The following TIMM21 variants were observed in gnomAD, a reference collection of about 807,000 sequenced individuals.
TIMM21 encodes the protein mitochondrial import inner membrane translocase subunit Tim21.
Under a neutral mutation model 27.7 loss-of-function variants are expected in TIMM21, and 30 were observed. That is an observed-to-expected ratio of 1.08 (90% CI 0.81 to 1.47). TIMM21 has a LOEUF of 1.47. Ranked by LOEUF, TIMM21 falls within the 40% of genes most tolerant of loss-of-function variation. TIMM21 has a pLI of 0.00. For missense variants in TIMM21, 292 were observed against 302.9 expected (o/e 0.96, Z 0.27); for synonymous variants, 121 against 114.4 (o/e 1.06, Z -0.37).
At position 74,148,713 on chromosome 18, in the gene TIMM21, A is replaced by G. The variant is rs1979679302; in HGVS notation, c.-96A>G. ...AACACCCCATGTAATGTAAACGTAT[A>G]GGCTTGAGTACGTGTCCGGCCGCAT... On this transcript the variant is annotated 5_prime_UTR_variant, in exon 1 of 6. It adds an upstream start codon to the 5' untranslated region. Coordinates refer to ENST00000169551, the MANE Select transcript of TIMM21 (RefSeq NM_014177.3). 2 of 1,261,700 alleles carry G rather than the reference A, an allele frequency of 1.6e-6. No homozygotes were observed. The allele number at this position is 1,261,700 out of a possible 1,614,324, so 78.2% of individuals were successfully genotyped here. A position where few individuals can be genotyped will look rare whatever the true frequency, so the allele number is the denominator to read the frequency against.
chr18:74,149,170 C>T, intron 1 of TIMM21, 61 bp downstream of exon 1: 1 of 1,532,668 alleles, frequency 6.5e-7, no homozygotes, highest in East Asian at 2.3e-5. Flanking sequence ...TGCCAATGCC[C>T]TTTTATACCA....
intron 1 of TIMM21, 129 bp downstream of exon 1, chr18:74,149,238 A>C: frequency 9.4e-7 from 1 of 1,060,926 alleles, no homozygotes; most frequent in Non-Finnish European, 1.3e-6. Context: ...CCGTTTAAAC[A>C]TAATTTAGAA....
intron 1 of TIMM21, among the ~76,000 whole-genome samples, chr18:74,149,519 A>G (rs1227312268): frequency 6.6e-6 from 1 of 152,118 alleles, no homozygotes; most frequent in Non-Finnish European, 1.5e-5. Flanking sequence ...TGTCAGGGAA[A>G]GTCAGAGATG....
At chr18:74,154,532 A>G (rs958626414) in intron 1 of TIMM21, among the ~76,000 whole-genome samples, 2 of 150,726 alleles carry the variant, frequency 1.3e-5, no homozygotes, top group Non-Finnish European at 3.0e-5. Context: ...AAGTGCTGGG[A>G]TTACAGGCAT....
intron 1 of TIMM21, among the ~76,000 whole-genome samples, chr18:74,153,711 T>C (rs1979871420): frequency 2.0e-5 from 3 of 152,256 alleles, no homozygotes; most frequent in African/African-American, 7.2e-5. Flanking sequence ...ACTTGAAGGA[T>C]TGTGATACGC....
At chr18:74,157,874 C>A in intron 3 of TIMM21, 140 bp from the exon 4 acceptor site, 1 of 856,454 alleles carries the variant, frequency 1.2e-6, no homozygotes, top group Non-Finnish European at 1.8e-6. Context: ...GGATTATAGG[C>A]GTGAGCCAGG....
rs1423077722 is a variant in TIMM21, at chr18:74,152,418, T to C, written c.302-2727T>C. ...CTTGGCACTCACCTTCACTGGTGAT[T>C]AGTTACACACTTCATCTCACCATCC... On this transcript the variant is annotated intron_variant, in intron 1 of 5. Transcript: ENST00000169551. The surrounding 1 kb of genome is among the most constrained non-coding windows in gnomAD (Gnocchi z 4.1). Among the ~76,000 whole-genome samples, 1 of 152,174 alleles carries C rather than the reference T, an allele frequency of 6.6e-6. No homozygotes were observed. The highest frequency in any genetic ancestry group is 1.5e-5 in the Non-Finnish European group (1 of 68,024).
intron 1 of TIMM21, among the ~76,000 whole-genome samples, chr18:74,153,434 G>A (rs1441852874): frequency 6.6e-6 from 1 of 152,192 alleles, no homozygotes; most frequent in Non-Finnish European, 1.5e-5. Context: ...GGACAAATAA[G>A]GATACTTACT....
In TIMM21 at chr18:74,151,947, C is replaced by CG. The variant is rs905298420; in HGVS notation, c.301+2838_301+2839insG. Among the ~76,000 whole-genome samples the CG allele has an allele frequency of 6.8e-5, 10 of 147,390 alleles. No individual in the cohort carries two copies. In the South Asian group the frequency reaches 1.1e-3, roughly 16 times the overall value. ...CAGTGGTGTCTATGTTCCCCCCCCCCCCGGGGGGACCTCCAGCTCCTTCCG... is the reference window on the plus strand; with the variant it reads ...CAGTGGTGTCTATGTTCCCCCCCCCCGCCGGGGGGACCTCCAGCTCCTTCCG... On this transcript the variant is annotated intron_variant, in intron 1 of 5. Coordinates refer to ENST00000169551, the MANE Select transcript of TIMM21 (RefSeq NM_014177.3).
intron 3 of TIMM21, chr18:74,157,455 T>C (rs1979979606): frequency 6.5e-6 from 1 of 153,220 alleles, no homozygotes; most frequent in Non-Finnish European, 1.5e-5. Flanking sequence ...CTACATTGCT[T>C]TGAAACTACA....
chr18:74,151,424 T>C (rs1399921234), intron 1 of TIMM21, among the ~76,000 whole-genome samples: 1 of 152,200 alleles, frequency 6.6e-6, no homozygotes, highest in Non-Finnish European at 1.5e-5. Context: ...ACTCTGTTGC[T>C]TTCTGTAGGT....
rs769581821 is a variant in TIMM21, at chr18:74,158,386, G to A, written c.653G>A (p.Ser218Asn). 4 of 1,607,898 alleles carry A rather than the reference G, an allele frequency of 2.5e-6. No individual in the cohort carries two copies. The highest frequency in any genetic ancestry group is 3.4e-6 in the Non-Finnish European group (4 of 1,176,164). ...CTACATTTTTTTCAGAACCCAGGAA[G>A]TGGTGAATATGATTTTCGATATATA... is the stretch of plus-strand genomic sequence containing the variant. Reference protein sequence around the residue: ...VYAQVKENPGSGEYDFRYIFV... With the variant: ...VYAQVKENPGNGEYDFRYIFV... Residue 218 changes from serine (S) to asparagine (N), a missense_variant, in exon 6 of 6, where the codon AGT (serine) becomes AAT (asparagine). Ser to Asn is a conservative substitution (Grantham distance 46, BLOSUM62 1). Transcript: ENST00000169551.
chr18:74,154,522 A>G (rs1979897442), intron 1 of TIMM21, among the ~76,000 whole-genome samples: 1 of 149,932 alleles, frequency 6.7e-6, no homozygotes, highest in Non-Finnish European at 1.5e-5. Flanking sequence ...CGGCCTCCCA[A>G]AGTGCTGGGA....
intron 3 of TIMM21, among the ~76,000 whole-genome samples, chr18:74,155,730 T>C (rs1261733556): frequency 6.6e-6 from 1 of 152,246 alleles, no homozygotes; most frequent in East Asian, 1.9e-4. Flanking sequence ...ATGGTCATAA[T>C]GTCATTGCTG....
chr18:74,152,187 T>C lies in TIMM21; in HGVS notation c.302-2958T>C, dbSNP rs1279866696. Among the ~76,000 whole-genome samples, 2 of 152,096 alleles carry C rather than the reference T, an allele frequency of 1.3e-5. No individual in the cohort carries two copies. The highest frequency in any genetic ancestry group is 6.5e-5 in the Admixed American group (1 of 15,270). ...GGGTCAGGAGAATTGGGATTCAAGA[T>C]TTTTTACAACATTGACCTCAAGGGC... is the stretch of plus-strand genomic sequence containing the variant. On this transcript the variant is annotated intron_variant, in intron 1 of 5. Coordinates refer to ENST00000169551, the MANE Select transcript of TIMM21 (RefSeq NM_014177.3). The surrounding 1 kb of genome is among the most constrained non-coding windows in gnomAD (Gnocchi z 4.1).
Position 74,158,554 on chromosome 18 carries a change from T to G in TIMM21, c.*74T>G. On this transcript the variant is annotated 3_prime_UTR_variant, in exon 6 of 6. Transcript: ENST00000169551. ...CTTCACAGCTGCCTTCCAGAATGTG[T>G]TCAAAAGAAAGACAAGAAGGAGTGT... 1.1e-6 allele frequency: 1 copy of G among 921,852 alleles called. No homozygotes were observed. 57.1% of individuals were successfully genotyped at this position (921,852 alleles called of 1,614,324 possible). A position where few individuals can be genotyped will look rare whatever the true frequency, so the allele number is the denominator to read the frequency against.
At chr18:74,149,393 T>C (rs1277305255) in intron 1 of TIMM21, among the ~76,000 whole-genome samples, 1 of 151,956 alleles carries the variant, frequency 6.6e-6, no homozygotes, top group African/African-American at 2.4e-5. Context: ...TAAAGAGTAA[T>C]TGGATAGGAT....
chr18:74,158,142 C>T (rs768669984), intron 4 of TIMM21, 29 bp from the exon 5 acceptor site: 2 of 1,613,732 alleles, frequency 1.2e-6, no homozygotes, highest in African/African-American at 2.7e-5. Flanking sequence ...ATGAAAGGAA[C>T]TTAGACTGAT....
chr18:74,158,795 T>G lies in TIMM21; in HGVS notation c.*315T>G. 1 of 266,800 alleles carries G rather than the reference T, an allele frequency of 3.7e-6. No individual in the cohort carries two copies. The highest frequency in any genetic ancestry group is 7.2e-6 in the Non-Finnish European group (1 of 139,108). 16.5% of individuals were successfully genotyped at this position (266,800 alleles called of 1,614,324 possible). On this transcript the variant is annotated 3_prime_UTR_variant, in exon 6 of 6. Transcript: ENST00000169551. ...AAAGGAAATAGATTTTAGTATTGTA[T>G]TCATTTTATATTATAGAACTGCATA...
Sources: gnomAD v4.1 joint callset for allele counts (sites outside exome capture counted in the v4.1 genomes callset) on GRCh38, gnomAD v4.1.1 for gene constraint, Gnocchi (gnomAD v3.1) non-coding constraint, MANE v1.5 for transcripts, NCBI Gene and HGNC (gene_info 2026-07-23, HGNC 2026-07-21) for gene names.